ALK: variants seen among roughly 807,000 people sequenced by gnomAD.
The protein encoded by ALK is ALK tyrosine kinase receptor.
In ALK, 74 loss-of-function variants were observed where a neutral mutation model predicts 163.1. The ratio of observed to expected loss-of-function variants is 0.45; its 90% CI spans 0.38 to 0.55. The LOEUF (loss-of-function observed/expected upper bound fraction) is 0.55, where lower values mean the gene tolerates loss of function less well. Among genes scored for constraint, ALK ranks in the 20% least tolerant of loss-of-function variants. ALK has a pLI of 0.00. For synonymous variants in ALK, 960 were observed against 843.2 expected, an observed-to-expected ratio of 1.14 and a Z score of -2.40; for missense variants, 2,063 against 2,105.3, an observed-to-expected ratio of 0.98 and a Z score of 0.39.
intron 1 of ALK, among the ~76,000 whole-genome samples, chr2:29,756,826 C>T (rs1440083863): frequency 6.6e-6 from 1 of 152,146 alleles, no homozygotes; most frequent in East Asian, 1.9e-4. Context: ...CGCACCTGGC[C>T]CATTTATTCT....
At position 29,193,633 on chromosome 2, in the gene ALK, G is replaced by A. The variant is rs556061961; in HGVS notation, c.4454C>T (p.Pro1485Leu). Residue 1485 changes from proline (P) to leucine (L), a missense_variant, in exon 29 of 29, where the codon CCT (proline) becomes CTT (leucine). Coordinates refer to ENST00000389048, the MANE Select transcript of ALK (RefSeq NM_004304.5). ...GTGGACCTTGTGCAACTCCGAAGGA[G>A]GGTTGGACTGAGAGAATGCCATATT... The part of the protein sequence containing the change: ...HVNMAFSQSN[P>L]PSELHKVHGS... 9 of 1,614,256 alleles carry A rather than the reference G, an allele frequency of 5.6e-6. No individual in the cohort carries two copies. In the Admixed American group the frequency reaches 1.2e-4, roughly 21 times the overall value.
chr2:29,282,130 G>A (rs1231858917), intron 9 of ALK, among the ~76,000 whole-genome samples: 1 of 152,158 alleles, frequency 6.6e-6, no homozygotes, highest in Non-Finnish European at 1.5e-5. Context: ...TCGGAAGAAG[G>A]GAGTGTCCTG....
chr2:29,235,008 C>T (rs1664329898), intron 13 of ALK, among the ~76,000 whole-genome samples: 1 of 152,226 alleles, frequency 6.6e-6, no homozygotes, highest in Non-Finnish European at 1.5e-5. Flanking sequence ...CCACCGTGCC[C>T]AGCCAGCTGC....
chr2:29,805,519 G>C (rs1664587122), intron 1 of ALK, among the ~76,000 whole-genome samples: 1 of 152,148 alleles, frequency 6.6e-6, no homozygotes, highest in African/African-American at 2.4e-5. Flanking sequence ...ACAGGCCCCA[G>C]TGTGTGTGGT....
chr2:29,346,393 T>A (rs1022635191), intron 5 of ALK, among the ~76,000 whole-genome samples: 1 of 152,190 alleles, frequency 6.6e-6, no homozygotes, highest in Admixed American at 6.5e-5. Context: ...CCCTACAGCA[T>A]CCTGCAGAAT....
At chr2:29,614,584 G>C (rs1675789143) in intron 3 of ALK, among the ~76,000 whole-genome samples, 1 of 152,162 alleles carries the variant, frequency 6.6e-6, no homozygotes, top group South Asian at 2.1e-4. Context: ...GCTCATCTGA[G>C]CCCCACTAAG....
chr2:29,328,689 C>T (rs1667349455), intron 5 of ALK, among the ~76,000 whole-genome samples: 3 of 152,232 alleles, frequency 2.0e-5, no homozygotes, highest in Admixed American at 6.5e-5. Context: ...ACCCCTCACG[C>T]TCATCCATGG....
intron 1 of ALK, among the ~76,000 whole-genome samples, chr2:29,738,220 G>A (rs924702971): frequency 3.3e-5 from 5 of 151,810 alleles, no homozygotes; most frequent in South Asian, 2.1e-4. Context: ...ACACAAAACC[G>A]AGCATCACGC....
chr2:29,508,465 G>A (rs544099485), intron 4 of ALK, among the ~76,000 whole-genome samples: 1 of 151,984 alleles, frequency 6.6e-6, no homozygotes, highest in South Asian at 2.1e-4. Flanking sequence ...CAAACACCGC[G>A]TGTTCTCACT....
At chr2:29,423,514 G>A (rs1479219079) in intron 4 of ALK, among the ~76,000 whole-genome samples, 2 of 152,252 alleles carry the variant, frequency 1.3e-5, no homozygotes, top group African/African-American at 4.8e-5. Flanking sequence ...ATTGGTAACA[G>A]GATGTGTCTT....
intron 3 of ALK, among the ~76,000 whole-genome samples, chr2:29,678,850 T>C (rs1475015584): frequency 6.6e-6 from 1 of 151,880 alleles, no homozygotes; most frequent in African/African-American, 2.4e-5. Flanking sequence ...GAAAGGTTTG[T>C]ATTATGTAGT....
At chr2:29,393,339 T>C (rs1202678244) in intron 4 of ALK, among the ~76,000 whole-genome samples, 3 of 152,184 alleles carry the variant, frequency 2.0e-5, no homozygotes, top group Non-Finnish European at 4.4e-5. Context: ...AGAAGTCCTC[T>C]TCCCCAAAAT....
intron 1 of ALK, among the ~76,000 whole-genome samples, chr2:29,766,191 AG>A (rs1393678967): frequency 7.9e-5 from 12 of 152,234 alleles, no homozygotes; most frequent in African/African-American, 2.9e-4. Flanking sequence ...AATTACAAAC[AG>A]ATCTGTGTGG....
chr2:29,381,074 G>A (rs1668885428), intron 5 of ALK, among the ~76,000 whole-genome samples: 1 of 152,222 alleles, frequency 6.6e-6, no homozygotes, highest in South Asian at 2.1e-4. Context: ...AGGCAGCAGA[G>A]GCTAGTGGAC....
chr2:29,910,989 C>G (rs190869533), intron 1 of ALK, among the ~76,000 whole-genome samples: 193 of 151,904 alleles, frequency 1.3e-3, no homozygotes, highest in African/African-American at 4.4e-3. Context: ...ACAACAACAA[C>G]AAGAAAAACA....
chr2:29,463,039 T>G (rs1309529923), intron 4 of ALK, among the ~76,000 whole-genome samples: 1 of 152,236 alleles, frequency 6.6e-6, no homozygotes, highest in African/African-American at 2.4e-5. Context: ...TTGGGCTGAT[T>G]GTATAATCAA....
intron 4 of ALK, among the ~76,000 whole-genome samples, chr2:29,529,710 C>G (rs1489580402): frequency 6.6e-6 from 1 of 152,242 alleles, no homozygotes; most frequent in African/African-American, 2.4e-5. Context: ...ACCTTCTACC[C>G]TCACCACACA....
chr2:29,813,541 G>T (rs1327472714), intron 1 of ALK, among the ~76,000 whole-genome samples: 2 of 152,050 alleles, frequency 1.3e-5, no homozygotes, highest in Non-Finnish European at 2.9e-5. Flanking sequence ...AAGACAGCCT[G>T]CTAAATTCAT....
At chr2:29,333,631 A>G (rs1325760098) in intron 5 of ALK, among the ~76,000 whole-genome samples, 1 of 151,990 alleles carries the variant, frequency 6.6e-6, no homozygotes, top group East Asian at 1.9e-4. Context: ...GGCATTTTAA[A>G]TTTTCTGAGA....
Sources: allele counts gnomAD v4.1 joint callset (sites outside exome capture counted in the v4.1 genomes callset), GRCh38; gene constraint gnomAD v4.1.1; transcripts MANE v1.5; gene names NCBI Gene and HGNC (gene_info 2026-07-23, HGNC 2026-07-21).